Variants in ITPR3 observed in about 807,000 individuals in gnomAD.
ITPR3 encodes inositol 1,4,5-trisphosphate-gated calcium channel ITPR3.
Under a neutral mutation model 293.2 loss-of-function variants are expected in ITPR3, and 173 were observed. The observed-to-expected ratio is 0.59, with a 90% CI of 0.52 to 0.67. ITPR3 has a LOEUF of 0.67. ITPR3 is among the 30% of genes least tolerant of loss of function. The pLI is 0.00. For synonymous variants in ITPR3, 1,295 were observed against 1,444.4 expected (o/e 0.90, Z 2.35); for missense variants, 2,796 against 3,592.1 (o/e 0.78, Z 5.66).
chr6:33,672,251 G>A lies in ITPR3; in HGVS notation c.2928+23G>A, dbSNP rs764733476. The stretch of plus-strand genomic sequence containing the variant: ...CAGGTGCCTGGGCCAGGACCGTGTG[G>A]GAGGTGTTGGGTATAGGGGGAGGGT... On this transcript the variant is annotated intron_variant, in intron 22 of 57. Coordinates refer to ENST00000605930, the MANE Select transcript of ITPR3 (RefSeq NM_002224.4). The surrounding 1 kb of genome is among the most constrained non-coding windows in gnomAD (Gnocchi z 5.0). The A allele has an allele frequency of 5.6e-6, 9 of 1,609,444 alleles. No homozygotes were observed. Among genetic ancestry groups the A allele is most frequent in the Non-Finnish European group, 7.6e-6 (9 of 1,176,774 alleles).
rs144998518 is a variant in ITPR3 at position 33,682,574 on chromosome 6, C to T, written c.4527C>T (p.Leu1509=). Residue 1509 remains leucine, a synonymous_variant, in exon 34 of 58, where the codon CTC becomes CTT. Transcript: ENST00000605930. This position sits in a 1 kb window ranked among gnomAD's most constrained non-coding sequence, Gnocchi z 5.4. ...TGCTGCAGTCTACCACACGCCTCCT[C>T]GAGTGTCCGTGGCTACAGCAGCAGC... is the stretch of plus-strand genomic sequence containing the variant. ...VQLLQSTTRL[L]ECPWLQQQHK... The T allele has an allele frequency of 2.8e-4, 439 of 1,591,294 alleles. 1 individual carries two copies. The African/African-American group carries it at 5.5e-3, about 20-fold the overall frequency.
Position 33,658,540 on chromosome 6 carries a change from G to T in ITPR3, c.370-130G>T. On this transcript the variant is annotated intron_variant, in intron 4 of 57. Transcript: ENST00000605930. The surrounding 1 kb of genome is among the most constrained non-coding windows in gnomAD (Gnocchi z 6.1). ...AATGTGGGTGTCAGCCTGTATGTTT[G>T]TGACAGGTGTCTGACACTATGTGTG... The T allele has an allele frequency of 9.1e-7, 1 of 1,096,358 alleles. No homozygotes were observed. The highest frequency in any genetic ancestry group is 1.3e-6 in the Non-Finnish European group (1 of 750,544). 67.9% of individuals were successfully genotyped at this position (1,096,358 alleles called of 1,614,324 possible). A position where few individuals can be genotyped will look rare whatever the true frequency, so the allele number is the denominator to read the frequency against.
rs1765375525 is a variant in ITPR3, at chr6:33,691,056, T to G, written c.7172T>G (p.Leu2391Arg). 6.2e-7 allele frequency: 1 copy of G among 1,614,128 alleles called. No individual in the cohort carries two copies. The highest frequency in any genetic ancestry group is 8.5e-7 in the Non-Finnish European group (1 of 1,180,034). The change falls in exon 52 of 58, where the codon CTC becomes CGC. Residue 2391 changes from leucine to arginine, a missense_variant. Leu to Arg is a moderately radical substitution (Grantham distance 102). Coordinates refer to ENST00000605930, the MANE Select transcript of ITPR3 (RefSeq NM_002224.4). The surrounding 1 kb of genome is among the most constrained non-coding windows in gnomAD (Gnocchi z 4.9). ...TTCTCCATCGTCGGCTTCCTCTTCC[T>G]CAAGGATGACTTCATTCTCGAGGTC... ...YLFSIVGFLF[L>R]KDDFILEVDR...
intron 12 of ITPR3, 23 bp from the exon 13 acceptor site, chr6:33,665,030 C>G: frequency 2.5e-6 from 4 of 1,613,566 alleles, no homozygotes; most frequent in Non-Finnish European, 3.4e-6. Flanking sequence ...TCCCAGGTGC[C>G]CTGCTGACCC....
intron 27 of ITPR3, 124 bp from the exon 28 acceptor site, chr6:33,677,380 A>T: frequency 7.4e-7 from 1 of 1,359,944 alleles, no homozygotes; most frequent in Non-Finnish European, 1.0e-6. Flanking sequence ...GGTCTGATTC[A>T]GCGCCTGTGA....
intron 2 of ITPR3, among the ~76,000 whole-genome samples, chr6:33,650,894 A>AT (rs1477661699): frequency 9.3e-5 from 14 of 150,610 alleles, no homozygotes; most frequent in Non-Finnish European, 2.1e-4. Flanking sequence ...TTTAGTGTCT[A>AT]TTTTGTGGGC....
At chr6:33,659,354 C>A (rs1015903346) in intron 6 of ITPR3, 112 bp from the exon 7 acceptor site, 1 of 1,043,520 alleles carries the variant, frequency 9.6e-7, no homozygotes, top group East Asian at 2.4e-5. Flanking sequence ...GGAGAAGACA[C>A]CCTGTCCTTG....
intron 1 of ITPR3, among the ~76,000 whole-genome samples, 177 bp from the exon 2 acceptor site, chr6:33,640,307 A>C (rs1289285935): frequency 3.3e-5 from 5 of 151,762 alleles, no homozygotes; most frequent in African/African-American, 7.3e-5. Flanking sequence ...CCCAAGAGAC[A>C]CCTTGCCTTT....
At chr6:33,645,006 C>T (rs1475315894) in intron 2 of ITPR3, among the ~76,000 whole-genome samples, 21 of 151,570 alleles carry the variant, frequency 1.4e-4, no homozygotes, top group Admixed American at 1.3e-3. Flanking sequence ...AAGGTAGCCT[C>T]CTGGACAAAT....
Position 33,667,126 on chromosome 6 carries a change from C to A in ITPR3, c.1552-3C>A. ...TCAGTCCTCACCCTCTGTATTCCCC[C>A]AGGTCTTTGGCATTCTGAAGGCCCC... On this transcript the variant is annotated splice_region_variant and splice_polypyrimidine_tract_variant and intron_variant, in intron 14 of 57. Coordinates refer to ENST00000605930, the MANE Select transcript of ITPR3 (RefSeq NM_002224.4). The surrounding 1 kb of genome is among the most constrained non-coding windows in gnomAD (Gnocchi z 4.4). The A allele has an allele frequency of 6.2e-7, 1 of 1,613,584 alleles. No homozygotes were observed. The highest frequency in any genetic ancestry group is 1.7e-5 in the Admixed American group (1 of 59,958).
Position 33,672,878 on chromosome 6 carries a change from C to T in ITPR3, c.2928+650C>T, listed in dbSNP as rs553895520. Among the ~76,000 whole-genome samples the T allele has an allele frequency of 9.9e-5, 15 of 152,160 alleles. No individual in the cohort carries two copies. Among genetic ancestry groups the T allele is most frequent in the African/African-American group, 2.9e-4 (12 of 41,418 alleles). On this transcript the variant is annotated intron_variant, in intron 22 of 57. Coordinates refer to ENST00000605930, the MANE Select transcript of ITPR3 (RefSeq NM_002224.4). The surrounding 1 kb of genome is among the most constrained non-coding windows in gnomAD (Gnocchi z 5.0). ...CCCTGTTGTGGTCTCATCTGAGACTCCCCAGCCACACCCCAGGAAGGGGCT... is the reference window on the plus strand; with the variant it reads ...CCCTGTTGTGGTCTCATCTGAGACTTCCCAGCCACACCCCAGGAAGGGGCT...
Position 33,680,385 on chromosome 6 carries a change from G to A in ITPR3, c.4281G>A (p.Glu1427=). ...VNHCYVDTEV[E]MKEIYTSNHI... The stretch of plus-strand genomic sequence containing the variant: ...ACTGCTACGTGGACACGGAGGTGGA[G>A]ATGAAGGAGATCTACACCAGCAACC... Residue 1427 remains glutamate (E), a synonymous_variant, in exon 32 of 58, where the codon GAG becomes GAA. Transcript: ENST00000605930. 6.2e-7 allele frequency: 1 copy of A among 1,613,276 alleles called. No individual in the cohort carries two copies. The highest frequency in any genetic ancestry group is 8.5e-7 in the Non-Finnish European group (1 of 1,179,754).
chr6:33,637,410 C>G (rs1315016291), intron 1 of ITPR3, among the ~76,000 whole-genome samples: 1 of 152,138 alleles, frequency 6.6e-6, no homozygotes, highest in Non-Finnish European at 1.5e-5. Context: ...CAGGGGTGAC[C>G]CCCTCCCAGT....
chr6:33,657,608 G>A lies in ITPR3; in HGVS notation c.283-324G>A, dbSNP rs3804550. Among the ~76,000 whole-genome samples the A allele has an allele frequency of 8.5e-3, 1,290 of 151,986 alleles. 11 individuals carry two copies. Among genetic ancestry groups the A allele is most frequent in the Non-Finnish European group, 0.013 (874 of 67,928 alleles). On this transcript the variant is annotated intron_variant, in intron 3 of 57. Coordinates refer to ENST00000605930, the MANE Select transcript of ITPR3 (RefSeq NM_002224.4). Reference sequence around the variant, plus strand: ...GAGACACACACAGCTTTAGGTTCCTGGGGGGGTAAGGGGATTGCGGGGGAT... The same window carrying A: ...GAGACACACACAGCTTTAGGTTCCTAGGGGGGTAAGGGGATTGCGGGGGAT...
rs1234373534 is a variant in ITPR3 at position 33,621,442 on chromosome 6, T to C, written c.-161T>C. On this transcript the variant is annotated 5_prime_UTR_variant, in exon 1 of 58. Coordinates refer to ENST00000605930, the MANE Select transcript of ITPR3 (RefSeq NM_002224.4). This position sits in a 1 kb window ranked among gnomAD's most constrained non-coding sequence, Gnocchi z 7.7. ...CCCCGGGCCCCGCCGAGCCGCCTCC[T>C]GGCTCCCGTGGCCGCCAGCCCGCCC... 1 of 488,230 alleles carries C rather than the reference T, an allele frequency of 2.0e-6. No individual in the cohort carries two copies. Among genetic ancestry groups the C allele is most frequent in the African/African-American group, 2.1e-5 (1 of 48,088 alleles). 30.2% of individuals were successfully genotyped at this position (488,230 alleles called of 1,614,324 possible). A position where few individuals can be genotyped will look rare whatever the true frequency, so the allele number is the denominator to read the frequency against.
chr6:33,645,832 CT>C lies in ITPR3; in HGVS notation c.160+5289del, dbSNP rs938290510. On this transcript the variant is annotated intron_variant, in intron 2 of 57. Coordinates refer to ENST00000605930, the MANE Select transcript of ITPR3 (RefSeq NM_002224.4). ...GTTTTTTGGTCACTGAAAATGTACT[CT>C]TTTTTTTTTTCTTTCGTTTTTTGAG... 1.5e-3 allele frequency among the ~76,000 whole-genome samples: 225 copies of C among 147,952 alleles called. 1 individual carries two copies. Among genetic ancestry groups the C allele is most frequent in the African/African-American group, 5.0e-3 (203 of 40,530 alleles).
At position 33,691,516 on chromosome 6, in the gene ITPR3, A is replaced by C; in HGVS notation, c.7226-99A>C. On this transcript the variant is annotated intron_variant, in intron 52 of 57. Transcript: ENST00000605930. The surrounding 1 kb of genome is among the most constrained non-coding windows in gnomAD (Gnocchi z 4.9). ...GACAGTGGAGGGCTGGCGATCCAGG[A>C]CCAGGGAAGGTTTCCTGGAGGATGT... 1 of 980,376 alleles carries C rather than the reference A, an allele frequency of 1.0e-6. No individual in the cohort carries two copies. The highest frequency in any genetic ancestry group is 1.5e-5 in the South Asian group (1 of 65,666). 60.7% of individuals were successfully genotyped at this position (980,376 alleles called of 1,614,324 possible). A position where few individuals can be genotyped will look rare whatever the true frequency, so the allele number is the denominator to read the frequency against.
rs748491056 is a variant in ITPR3 at position 33,691,000 on chromosome 6, A to G, written c.7116A>G (p.Thr2372=). The change falls in exon 52 of 58, where the codon ACA becomes ACG. Residue 2372 remains threonine (T), a synonymous_variant. Transcript: ENST00000605930. ...VTRNGRSILL[T]ALLALILVYL... is the part of the protein sequence containing the mutation. ...GCAATGGCCGCTCCATCCTGCTGAC[A>G]GCCCTGCTGGCCCTCATCCTGGTCT... 10 of 1,614,042 alleles carry G rather than the reference A, an allele frequency of 6.2e-6. No individual in the cohort carries two copies. In the Admixed American group the frequency reaches 1.7e-4, roughly 27 times the overall value.
intron 1 of ITPR3, among the ~76,000 whole-genome samples, chr6:33,634,103 T>C (rs1362215114): frequency 6.6e-6 from 1 of 152,142 alleles, no homozygotes; most frequent in African/African-American, 2.4e-5. Context: ...TCCCGTCCCC[T>C]CCTGCTCCCC....
Sources: allele counts gnomAD v4.1 joint callset (sites outside exome capture counted in the v4.1 genomes callset), GRCh38; gene constraint gnomAD v4.1.1; non-coding constraint Gnocchi (gnomAD v3.1); transcripts MANE v1.5; gene names NCBI Gene and HGNC (gene_info 2026-07-23, HGNC 2026-07-21).